The following CACHD1 variants were observed in gnomAD, a reference collection of about 807,000 sequenced individuals.
The protein encoded by CACHD1 is VWFA and cache domain-containing protein 1.
CACHD1 carries 71 observed loss-of-function variants against 138.7 expected under a neutral mutation model. The observed-to-expected ratio is 0.51, with a 90% CI of 0.42 to 0.62. The LOEUF is 0.62. Ranked by LOEUF, CACHD1 falls within the 20% of genes least tolerant of loss-of-function variation. CACHD1 has a pLI of 0.00. For synonymous variants in CACHD1, 578 were observed against 591.5 expected, an observed-to-expected ratio of 0.98 and a Z score of 0.33; for missense variants, 1,389 against 1,625.3, an observed-to-expected ratio of 0.85 and a Z score of 2.50.
rs188914304 is a variant in CACHD1, at chr1:64,531,032, C to T, written c.199-19562C>T. Among the ~76,000 whole-genome samples the T allele has an allele frequency of 4.0e-3, 608 of 151,100 alleles. 1 individual carries two copies. Among genetic ancestry groups the T allele is most frequent in the Admixed American group, 0.011 (166 of 15,144 alleles). ...TTGTTTTTAAAAATCCAAGGAAAAC[C>T]TTATTGGCAATGAACTGTATATCAG... On this transcript the variant is annotated intron_variant, in intron 1 of 26. Coordinates refer to ENST00000651257, the MANE Select transcript of CACHD1 (RefSeq NM_020925.4).
chr1:64,610,295 C>A (rs1647483338), intron 4 of CACHD1, among the ~76,000 whole-genome samples: 1 of 152,176 alleles, frequency 6.6e-6, no homozygotes, highest in Non-Finnish European at 1.5e-5. Flanking sequence ...TCATGCCCTT[C>A]TAAGAGTCCC....
chr1:64,543,866 CTTTTTTTTTTTT>C (rs370129207), intron 1 of CACHD1, among the ~76,000 whole-genome samples: 5 of 77,510 alleles, frequency 6.5e-5, no homozygotes, highest in African/African-American at 9.5e-5. Flanking sequence ...CTTTTCAGTG[CTTTTTTTTTTTT>C]TTTTTTTTTT....
intron 12 of CACHD1, among the ~76,000 whole-genome samples, chr1:64,655,435 A>G (rs1649230710): frequency 1.3e-5 from 2 of 152,186 alleles, no homozygotes; most frequent in Admixed American, 1.3e-4. Flanking sequence ...GCACATTTAG[A>G]TTACATCCAG....
intron 25 of CACHD1, 88 bp from the exon 26 acceptor site, chr1:64,681,917 T>C: frequency 1.8e-6 from 2 of 1,115,882 alleles, no homozygotes; most frequent in Middle Eastern, 2.0e-4. Flanking sequence ...TCTCCCAGCA[T>C]GTAAATGAGC....
At position 64,686,284 on chromosome 1, in the gene CACHD1, T is replaced by C. The variant is rs184582134; in HGVS notation, c.3586+4178T>C. Among the ~76,000 whole-genome samples, 180 of 152,312 alleles carry C rather than the reference T, an allele frequency of 1.2e-3. 1 individual carries two copies. Among genetic ancestry groups the C allele is most frequent in the Middle Eastern group, 6.8e-3 (2 of 294 alleles). On this transcript the variant is annotated intron_variant, in intron 26 of 26. Coordinates refer to ENST00000651257, the MANE Select transcript of CACHD1 (RefSeq NM_020925.4). Reference sequence around the variant, plus strand: ...TACATGACTACACAACGGCCTCGGCTCTCATGGTATGAGTTCAGAGTTGTG... The same window carrying C: ...TACATGACTACACAACGGCCTCGGCCCTCATGGTATGAGTTCAGAGTTGTG...
intron 20 of CACHD1, among the ~76,000 whole-genome samples, 168 bp downstream of exon 20, chr1:64,675,729 A>G (rs1050781629): frequency 6.6e-6 from 1 of 152,184 alleles, no homozygotes; most frequent in Admixed American, 6.5e-5. Context: ...ATCCTTGTCC[A>G]AAGAACAATG....
rs941646748 is a variant in CACHD1, at chr1:64,537,074, G to C, written c.199-13520G>C. 2.6e-5 allele frequency among the ~76,000 whole-genome samples: 4 copies of C among 152,272 alleles called. No homozygotes were observed. In the South Asian group the frequency reaches 8.3e-4, roughly 32 times the overall value. ...GTGAGCAGGAGTCCTGTTGCCCTCTGTGAGGGTCACCGTATTTGCAGCATG... is the reference window on the plus strand; with the variant it reads ...GTGAGCAGGAGTCCTGTTGCCCTCTCTGAGGGTCACCGTATTTGCAGCATG... On this transcript the variant is annotated intron_variant, in intron 1 of 26. Coordinates refer to ENST00000651257, the MANE Select transcript of CACHD1 (RefSeq NM_020925.4).
chr1:64,544,134 A>G (rs921225312), intron 1 of CACHD1, among the ~76,000 whole-genome samples: 4 of 152,176 alleles, frequency 2.6e-5, no homozygotes, highest in Non-Finnish European at 5.9e-5. Context: ...CCAGAGCTGA[A>G]TGAAGCCATT....
intron 1 of CACHD1, among the ~76,000 whole-genome samples, chr1:64,509,877 T>TA (rs1344582737): frequency 1.3e-5 from 2 of 152,236 alleles, no homozygotes; most frequent in East Asian, 3.8e-4. Context: ...CGATTACTGT[T>TA]AAGATTTTTC....
intron 1 of CACHD1, among the ~76,000 whole-genome samples, chr1:64,545,681 T>C (rs1429355771): frequency 1.3e-5 from 2 of 152,238 alleles, no homozygotes; most frequent in African/African-American, 2.4e-5. Flanking sequence ...GTACTGTACT[T>C]GTCTTTTGAT....
At chr1:64,573,896 A>T (rs886531701) in intron 2 of CACHD1, among the ~76,000 whole-genome samples, 1 of 151,846 alleles carries the variant, frequency 6.6e-6, no homozygotes. Context: ...TGCCCTAAAC[A>T]TAATCAGCAA....
In CACHD1 at chr1:64,593,513, G is replaced by C. The variant is rs531642028; in HGVS notation, c.411-9293G>C. 7.9e-5 allele frequency among the ~76,000 whole-genome samples: 12 copies of C among 152,218 alleles called. No individual in the cohort carries two copies. The South Asian group carries it at 2.3e-3, about 29-fold the overall frequency. On this transcript the variant is annotated intron_variant, in intron 3 of 26. Transcript: ENST00000651257. ...TCTCTGTGTCACAAGGTCAAATAAT[G>C]TGACAAGCTTGGTCCTGAACAACTG...
chr1:64,680,219 T>G (rs938897794), intron 24 of CACHD1, among the ~76,000 whole-genome samples: 3 of 152,182 alleles, frequency 2.0e-5, no homozygotes, highest in African/African-American at 7.2e-5. Context: ...CCAATCGCGG[T>G]GGCTCATGCC....
At chr1:64,645,108 T>C (rs1480673572) in intron 8 of CACHD1, among the ~76,000 whole-genome samples, 4 of 151,678 alleles carry the variant, frequency 2.6e-5, no homozygotes, top group African/African-American at 9.7e-5. Flanking sequence ...AAAAATAAAA[T>C]AAATAAAACA....
intron 3 of CACHD1, among the ~76,000 whole-genome samples, chr1:64,591,293 A>G (rs1236455800): frequency 1.3e-5 from 2 of 152,216 alleles, no homozygotes; most frequent in African/African-American, 4.8e-5. Flanking sequence ...ATTTGAATAT[A>G]TGGAGATATG....
At chr1:64,620,884 T>C (rs1277564522) in intron 4 of CACHD1, among the ~76,000 whole-genome samples, 2 of 152,182 alleles carry the variant, frequency 1.3e-5, no homozygotes, top group Non-Finnish European at 2.9e-5. Context: ...ACAGAAACTA[T>C]TAAGATCTTG....
At chr1:64,491,945 GTT>G (rs11445405) in intron 1 of CACHD1, among the ~76,000 whole-genome samples, 27 of 147,424 alleles carry the variant, frequency 1.8e-4, no homozygotes, top group Admixed American at 7.5e-4. Context: ...TTTGTTTTTT[GTT>G]TTTTTTTTAT....
chr1:64,642,228 C>T (rs1323606679), intron 8 of CACHD1, among the ~76,000 whole-genome samples: 1 of 152,184 alleles, frequency 6.6e-6, no homozygotes, highest in Non-Finnish European at 1.5e-5. Flanking sequence ...TTTTATACAG[C>T]GTCCCCCTGC....
chr1:64,621,427 G>T (rs1647909154), intron 4 of CACHD1, among the ~76,000 whole-genome samples: 1 of 152,050 alleles, frequency 6.6e-6, no homozygotes, highest in South Asian at 2.1e-4. Context: ...CTGGAAGTTT[G>T]TTCTTCCTCT....
Sources: allele counts gnomAD v4.1 joint callset (sites outside exome capture counted in the v4.1 genomes callset), GRCh38; gene constraint gnomAD v4.1.1; transcripts MANE v1.5; gene names NCBI Gene and HGNC (gene_info 2026-07-23, HGNC 2026-07-21).